The following FAM168A variants were observed in gnomAD, a reference collection of about 807,000 sequenced individuals.
The protein encoded by FAM168A is protein FAM168A.
Under a neutral mutation model 28.5 loss-of-function variants are expected in FAM168A, and 3 were observed. The ratio of observed to expected loss-of-function variants is 0.11; its 90% CI spans 0.05 to 0.27. The LOEUF is 0.27. FAM168A is among the 10% of genes least tolerant of loss of function. FAM168A has a pLI of 1.00. For missense variants in FAM168A, 222 were observed against 311.5 expected (o/e 0.71, Z 2.16); for synonymous variants, 122 against 124.2 (o/e 0.98, Z 0.12).
At position 73,468,407 on chromosome 11, in the gene FAM168A, G is replaced by A. The variant is rs568533341; in HGVS notation, c.68C>T (p.Thr23Met). ...PYGNPKNMAY[T>M]GYPTAYPAAA... is the part of the protein sequence containing the mutation. ...AGAGCCATTCTCACACTACTCACCC[G>A]TGTAGGCCATGTTCTTAGGGTTGCC... The change falls in exon 2 of 8, where the codon ACG (threonine) becomes ATG (methionine). Residue 23 changes from threonine (T) to methionine (M), a missense_variant and splice_region_variant. By Grantham distance (81) the Thr-to-Met change is moderately conservative (BLOSUM62 -1). Transcript: ENST00000356467. 3.9e-5 allele frequency: 63 copies of A among 1,613,930 alleles called. 1 individual carries two copies. The South Asian group carries it at 4.1e-4, about 10-fold the overall frequency.
chr11:73,564,417 CA>C (rs1373673080), intron 1 of FAM168A, among the ~76,000 whole-genome samples: 4 of 152,082 alleles, frequency 2.6e-5, no homozygotes, highest in African/African-American at 9.7e-5. Context: ...CAGTGATTCT[CA>C]AGTGCAGATG....
intron 1 of FAM168A, among the ~76,000 whole-genome samples, chr11:73,520,712 C>T (rs1468646753): frequency 1.3e-5 from 2 of 152,054 alleles, no homozygotes; most frequent in African/African-American, 4.8e-5. Context: ...CCAAAGGATG[C>T]CCTGTCTAAA....
intron 1 of FAM168A, among the ~76,000 whole-genome samples, chr11:73,553,442 A>G (rs1164351826): frequency 6.6e-6 from 1 of 152,200 alleles, no homozygotes; most frequent in East Asian, 1.9e-4. Context: ...GCCTGAGCAT[A>G]GAGAAAGCAA....
chr11:73,518,399 A>ATT (rs1943332303), intron 1 of FAM168A, among the ~76,000 whole-genome samples: 1 of 151,952 alleles, frequency 6.6e-6, no homozygotes, highest in African/African-American at 2.4e-5. Flanking sequence ...TTAAAAATTA[A>ATT]AAATTAATTA....
Position 73,401,115 on chromosome 11 carries a change from A to AT in FAM168A, c.*5647_*5648insA, listed in dbSNP as rs1866399123. The AT allele has an allele frequency of 7.3e-6, 1 of 137,506 alleles. No homozygotes were observed. Among genetic ancestry groups the AT allele is most frequent in the African/African-American group, 3.0e-5 (1 of 33,148 alleles). 8.5% of individuals were successfully genotyped at this position (137,506 alleles called of 1,614,324 possible). ...TTATTATTATTATTATTATTATTTTAAATTTTATTTCTTTTTAAAATGTGA... is the reference window on the plus strand; with the variant it reads ...TTATTATTATTATTATTATTATTTTATAATTTTATTTCTTTTTAAAATGTGA... On this transcript the variant is annotated 3_prime_UTR_variant, in exon 8 of 8. Coordinates refer to ENST00000356467, the MANE Select transcript of FAM168A (RefSeq NM_015159.3).
chr11:73,421,891 C>T (rs1866799376), intron 3 of FAM168A, among the ~76,000 whole-genome samples: 1 of 152,188 alleles, frequency 6.6e-6, no homozygotes. Flanking sequence ...CAAATTTTTT[C>T]CTCCAAGTGG....
At chr11:73,554,250 C>T (rs1590851235) in intron 1 of FAM168A, among the ~76,000 whole-genome samples, 2 of 151,760 alleles carry the variant, frequency 1.3e-5, no homozygotes, top group East Asian at 2.0e-4. Flanking sequence ...ATGGGGTGTT[C>T]GCCTACAGTC....
chr11:73,442,955 GATATATATATATATAT>G (rs58430278), intron 2 of FAM168A, among the ~76,000 whole-genome samples: 3,329 of 40,242 alleles, frequency 0.083, 248 homozygotes, highest in Middle Eastern at 0.14. Context: ...ATATACAAAG[GATATATATATATATAT>G]ATATATATAT....
chr11:73,450,520 G>A (rs1287123235), intron 2 of FAM168A, among the ~76,000 whole-genome samples: 7 of 152,188 alleles, frequency 4.6e-5, no homozygotes, highest in Admixed American at 4.6e-4. Flanking sequence ...TCAATTATTA[G>A]TCACAGAGAC....
At chr11:73,472,254 G>A (rs11235769) in intron 1 of FAM168A, among the ~76,000 whole-genome samples, 4,518 of 152,274 alleles carry the variant, frequency 0.03, 223 homozygotes, top group African/African-American at 0.1. Context: ...GTCATTGAGT[G>A]ACATCTGAGC....
intron 1 of FAM168A, among the ~76,000 whole-genome samples, chr11:73,513,413 T>A (rs866852743): frequency 6.6e-6 from 1 of 151,220 alleles, no homozygotes; most frequent in African/African-American, 2.4e-5. Context: ...AGATGGGATG[T>A]CACCATGTTA....
chr11:73,476,518 T>C (rs1036742226), intron 1 of FAM168A, among the ~76,000 whole-genome samples: 2 of 152,138 alleles, frequency 1.3e-5, no homozygotes, highest in African/African-American at 4.8e-5. Context: ...ATCTAAAATA[T>C]GTAGTTTTCA....
rs535437706 is a variant in FAM168A, at chr11:73,553,359, A to G, written c.-19+44564T>C. ...ACCAATAAATGATGGAAGGGTGAAG[A>G]AAGACCATGACCAAATGAGAAGTTC... On this transcript the variant is annotated intron_variant, in intron 1 of 7. Transcript: ENST00000356467. Among the ~76,000 whole-genome samples, 12 of 152,334 alleles carry G rather than the reference A, an allele frequency of 7.9e-5. No homozygotes were observed. The South Asian group carries it at 2.3e-3, about 29-fold the overall frequency.
At chr11:73,495,025 A>C (rs1255025788) in intron 1 of FAM168A, among the ~76,000 whole-genome samples, 1 of 151,794 alleles carries the variant, frequency 6.6e-6, no homozygotes, top group Non-Finnish European at 1.5e-5. Context: ...AAGAAAAAAA[A>C]GAAGCTAAAG....
At chr11:73,508,338 CA>C (rs1326511521) in intron 1 of FAM168A, among the ~76,000 whole-genome samples, 1 of 152,142 alleles carries the variant, frequency 6.6e-6, no homozygotes, top group Non-Finnish European at 1.5e-5. Flanking sequence ...AAAAAATATT[CA>C]AAGACAGTTG....
At chr11:73,413,782 T>C (rs1432800073) in intron 4 of FAM168A, among the ~76,000 whole-genome samples, 1 of 152,160 alleles carries the variant, frequency 6.6e-6, no homozygotes, top group Non-Finnish European at 1.5e-5. Flanking sequence ...AACAATAGGA[T>C]GGGCTGGATG....
intron 1 of FAM168A, among the ~76,000 whole-genome samples, chr11:73,529,596 C>T (rs963045648): frequency 2.0e-5 from 3 of 152,124 alleles, no homozygotes; most frequent in Non-Finnish European, 4.4e-5. Context: ...GCATCTAACA[C>T]AAGCTATGCA....
At position 73,566,522 on chromosome 11, in the gene FAM168A, T is replaced by C. The variant is rs539103013; in HGVS notation, c.-19+31401A>G. Among the ~76,000 whole-genome samples, 7 of 152,314 alleles carry C rather than the reference T, an allele frequency of 4.6e-5. No individual in the cohort carries two copies. In the South Asian group the frequency reaches 1.2e-3, roughly 27 times the overall value. The stretch of plus-strand genomic sequence containing the variant: ...ACAATTAAGCATCCATTTGTTGAAA[T>C]AGCCCTTTTTAGGGCTACACTTGAT... On this transcript the variant is annotated intron_variant, in intron 1 of 7. Coordinates refer to ENST00000356467, the MANE Select transcript of FAM168A (RefSeq NM_015159.3).
intron 1 of FAM168A, among the ~76,000 whole-genome samples, chr11:73,548,562 T>G (rs1325572758): frequency 6.6e-6 from 1 of 152,214 alleles, no homozygotes; most frequent in Non-Finnish European, 1.5e-5. Context: ...ATATAATACT[T>G]TCTTGAATCC....
Sources: gnomAD v4.1 joint callset for allele counts (sites outside exome capture counted in the v4.1 genomes callset) on GRCh38, gnomAD v4.1.1 for gene constraint, MANE v1.5 for transcripts, NCBI Gene and HGNC (gene_info 2026-07-23, HGNC 2026-07-21) for gene names.